ZFYVE28: variants seen among roughly 807,000 people sequenced by gnomAD.
ZFYVE28 encodes the protein zinc finger FYVE-type containing 28.
A neutral mutation model predicts 82.1 loss-of-function variants in ZFYVE28; 40 were observed. The observed-to-expected ratio is 0.49, with a 90% CI of 0.38 to 0.63. The LOEUF is 0.63. Ranked by LOEUF, ZFYVE28 falls within the 30% of genes least tolerant of loss-of-function variation. ZFYVE28 has a pLI of 0.00. For missense variants in ZFYVE28, 1,321 were observed against 1,242.1 expected (o/e 1.06, Z -0.96); for synonymous variants, 612 against 546.1 (o/e 1.12, Z -1.68).
At chr4:2,334,584 T>C (rs1171873115) in intron 6 of ZFYVE28, among the ~76,000 whole-genome samples, 1 of 151,500 alleles carries the variant, frequency 6.6e-6, no homozygotes, top group African/African-American at 2.4e-5. Flanking sequence ...GTGAGGTCTC[T>C]CCAGCCTGAG....
At position 2,335,290 on chromosome 4, in the gene ZFYVE28, A is replaced by AG. The variant is rs1721499746; in HGVS notation, c.701+414dup. Among the ~76,000 whole-genome samples, 1 of 152,034 alleles carries AG rather than the reference A, an allele frequency of 6.6e-6. No homozygotes were observed. The highest frequency in any genetic ancestry group is 1.5e-5 in the Non-Finnish European group (1 of 67,994). Reference sequence around the variant, plus strand: ...CAAACAAGCCAATCACAGCCTCCTGAGGGACCCGGGGGGCAGCTCGTCCTC... The same window carrying AG: ...CAAACAAGCCAATCACAGCCTCCTGAGGGGACCCGGGGGGCAGCTCGTCCTC... On this transcript the variant is annotated intron_variant, in intron 6 of 12. Coordinates refer to ENST00000290974, the MANE Select transcript of ZFYVE28 (RefSeq NM_020972.3). The surrounding 1 kb of genome is among the most constrained non-coding windows in gnomAD (Gnocchi z 5.8).
intron 1 of ZFYVE28, among the ~76,000 whole-genome samples, chr4:2,413,105 C>T (rs1352089605): frequency 3.3e-5 from 5 of 152,202 alleles, no homozygotes; most frequent in African/African-American, 1.2e-4. Flanking sequence ...TGTCTGCAGC[C>T]CAGGCTCTTA....
Position 2,341,370 on chromosome 4 carries a change from G to A in ZFYVE28, c.318+108C>T. On this transcript the variant is annotated intron_variant, in intron 3 of 12. Coordinates refer to ENST00000290974, the MANE Select transcript of ZFYVE28 (RefSeq NM_020972.3). This position sits in a 1 kb window ranked among gnomAD's most constrained non-coding sequence, Gnocchi z 4.5. ...CCCAGAGTGGACGGAGCTCTTGGAG[G>A]AGACACCAGGTCCCGGCACCTGCAG... 3.4e-6 allele frequency: 5 copies of A among 1,453,232 alleles called. No individual in the cohort carries two copies. Among genetic ancestry groups the A allele is most frequent in the Non-Finnish European group, 4.7e-6 (5 of 1,067,506 alleles). The allele number at this position is 1,453,232 out of a possible 1,614,324, so 90.0% of individuals were successfully genotyped here.
At chr4:2,379,193 TG>T (rs1045254075) in intron 1 of ZFYVE28, among the ~76,000 whole-genome samples, 5 of 152,142 alleles carry the variant, frequency 3.3e-5, no homozygotes, top group African/African-American at 1.2e-4. Flanking sequence ...GTGTGGGCAT[TG>T]GGGGGACCGC....
intron 8 of ZFYVE28, among the ~76,000 whole-genome samples, chr4:2,279,573 A>T (rs1023568645): frequency 2.6e-5 from 4 of 152,068 alleles, no homozygotes; most frequent in East Asian, 1.9e-4. Flanking sequence ...AGGTCAGGAG[A>T]TCGAGACCAT....
chr4:2,353,275 C>T (rs978376478), intron 2 of ZFYVE28, among the ~76,000 whole-genome samples: 57 of 152,330 alleles, frequency 3.7e-4, no homozygotes, highest in Non-Finnish European at 7.1e-4. Context: ...CTCAGGACCA[C>T]GGTGACACAG....
intron 6 of ZFYVE28, among the ~76,000 whole-genome samples, chr4:2,333,565 C>A (rs890113623): frequency 1.3e-5 from 2 of 152,080 alleles, no homozygotes; most frequent in Non-Finnish European, 2.9e-5. Flanking sequence ...GGGTCACCTG[C>A]ACACTCCAGG....
chr4:2,369,072 C>T (rs539265368), intron 1 of ZFYVE28, among the ~76,000 whole-genome samples: 7 of 152,230 alleles, frequency 4.6e-5, no homozygotes, highest in Non-Finnish European at 7.3e-5. Context: ...TGGCTGATGA[C>T]ACTGGGCACC....
chr4:2,381,205 G>A (rs1457269243), intron 1 of ZFYVE28, among the ~76,000 whole-genome samples: 5 of 152,162 alleles, frequency 3.3e-5, no homozygotes, highest in African/African-American at 1.2e-4. Flanking sequence ...TTATGTTTTA[G>A]CGAAGAGACT....
chr4:2,324,331 T>C (rs947978833), intron 6 of ZFYVE28: 26 of 152,212 alleles, frequency 1.7e-4, no homozygotes, highest in African/African-American at 6.0e-4. Context: ...CTGATTTAAA[T>C]GCTAATCTCA....
At chr4:2,303,914 C>T (rs964503166) in intron 8 of ZFYVE28, among the ~76,000 whole-genome samples, 1 of 152,362 alleles carries the variant, frequency 6.6e-6, no homozygotes, top group Non-Finnish European at 1.5e-5. Context: ...GGCGCTGGCA[C>T]AGCCCGCTCC....
chr4:2,271,610 C>T, intron 11 of ZFYVE28, 65 bp downstream of exon 11: 4 of 1,550,262 alleles, frequency 2.6e-6, no homozygotes, highest in Non-Finnish European at 3.6e-6. Context: ...GAGGAAGGCT[C>T]CTGTGGCTCC....
intron 1 of ZFYVE28, among the ~76,000 whole-genome samples, chr4:2,397,610 GACTACTTTCC>G (rs1461540963): frequency 6.6e-6 from 1 of 151,944 alleles, no homozygotes; most frequent in Admixed American, 6.6e-5. Context: ...GCCCCCACCA[GACTACTTTCC>G]ATATCTATGA....
rs367811347 is a variant in ZFYVE28 at position 2,305,521 on chromosome 4, C to T, written c.819G>A (p.Thr273=). 1.2e-5 allele frequency: 19 copies of T among 1,612,874 alleles called. No homozygotes were observed. In the African/African-American group the frequency reaches 2.0e-4, roughly 17 times the overall value. ...LLRKIRDLLQ[T]LTEEELHTLE... Reference sequence around the variant, plus strand: ...GCGTGTGCAGCTCCTCCTCCGTCAGCGTCTGCAGCAAATCCCTACGAATCA... The same window carrying T: ...GCGTGTGCAGCTCCTCCTCCGTCAGTGTCTGCAGCAAATCCCTACGAATCA... The change falls in exon 8 of 13, where the codon ACG becomes ACA. Residue 273 remains threonine, a synonymous_variant. Transcript: ENST00000290974.
chr4:2,405,108 G>C (rs929121847), intron 1 of ZFYVE28, among the ~76,000 whole-genome samples: 3 of 152,100 alleles, frequency 2.0e-5, no homozygotes, highest in Non-Finnish European at 4.4e-5. Context: ...TCCACAAGCC[G>C]AATTTGTCCC....
chr4:2,277,222 G>A (rs1200081685), intron 8 of ZFYVE28, among the ~76,000 whole-genome samples: 1 of 152,248 alleles, frequency 6.6e-6, no homozygotes, highest in African/African-American at 2.4e-5. Context: ...GCTCATGCCT[G>A]TAATCCTAGC....
chr4:2,398,483 A>T (rs77432026), intron 1 of ZFYVE28, among the ~76,000 whole-genome samples: 1 of 152,066 alleles, frequency 6.6e-6, no homozygotes, highest in African/African-American at 2.4e-5. Context: ...CCTATATGGG[A>T]GTCACAGACT....
chr4:2,291,579 G>C (rs1713707365), intron 8 of ZFYVE28, among the ~76,000 whole-genome samples: 1 of 152,174 alleles, frequency 6.6e-6, no homozygotes, highest in Non-Finnish European at 1.5e-5. Flanking sequence ...CTCCACCTCA[G>C]ACACTGCTGT....
At chr4:2,295,215 G>C (rs1714354328) in intron 8 of ZFYVE28, among the ~76,000 whole-genome samples, 1 of 152,208 alleles carries the variant, frequency 6.6e-6, no homozygotes, top group South Asian at 2.1e-4. Flanking sequence ...AGGCTGGAGT[G>C]CAGTGACGCA....
Sources: allele counts gnomAD v4.1 joint callset (sites outside exome capture counted in the v4.1 genomes callset), GRCh38; gene constraint gnomAD v4.1.1; non-coding constraint Gnocchi (gnomAD v3.1); transcripts MANE v1.5; gene names NCBI Gene and HGNC (gene_info 2026-07-23, HGNC 2026-07-21).